The following LRRC27 variants were observed in gnomAD, a reference collection of about 807,000 sequenced individuals.
The protein encoded by LRRC27 is leucine rich repeat containing 27.
A neutral mutation model predicts 55.0 loss-of-function variants in LRRC27; 57 were observed. The ratio of observed to expected loss-of-function variants is 1.04; its 90% CI spans 0.84 to 1.29. The LOEUF is 1.29. Among genes scored for constraint, LRRC27 ranks in the 50% most tolerant of loss-of-function variants. LRRC27 has a pLI of 0.00. For synonymous variants in LRRC27, 278 were observed against 251.9 expected (o/e 1.10, Z -0.98); for missense variants, 721 against 651.5 (o/e 1.11, Z -1.16).
chr10:132,370,256 T>C (rs2069182970), intron 10 of LRRC27, among the ~76,000 whole-genome samples: 1 of 152,214 alleles, frequency 6.6e-6, no homozygotes, highest in Non-Finnish European at 1.5e-5. Flanking sequence ...GATGAAGGGT[T>C]CACGTCACCA....
At chr10:132,362,523 TGGTCCCTGGGTG>T (rs372394481) in intron 9 of LRRC27, among the ~76,000 whole-genome samples, 25 of 152,194 alleles carry the variant, frequency 1.6e-4, no homozygotes, top group African/African-American at 5.8e-4. Context: ...AGCTGGAGGC[TGGTCCCTGGGTG>T]GGTCCCTGGC....
upstream of LRRC27, chr10:132,331,974 C>A (rs1250375219): frequency 1.2e-5 from 6 of 492,852 alleles, no homozygotes; most frequent in South Asian, 3.2e-5. Context: ...ACCCCGCCCC[C>A]TCCCGGGCAG....
In LRRC27 at chr10:132,381,064, G is replaced by C. The variant is rs1184692148; in HGVS notation, c.*5822G>C. Among the ~76,000 whole-genome samples the C allele has an allele frequency of 6.6e-6, 1 of 152,248 alleles. No homozygotes were observed. Among genetic ancestry groups the C allele is most frequent in the African/African-American group, 2.4e-5 (1 of 41,462 alleles). ...ACTTGATTAGATTGAAGAATGTAAA[G>C]TATTGTTTCTGGGTGTTGCCAGAAG... On this transcript the variant is annotated 3_prime_UTR_variant, in exon 11 of 11. Transcript: ENST00000368614.
At chr10:132,330,978 G>A (rs1363587357), upstream of LRRC27, among the ~76,000 whole-genome samples, 1 of 150,994 alleles carries the variant, frequency 6.6e-6, no homozygotes. Flanking sequence ...CGAGGGGGGC[G>A]GATCATGAGG....
At chr10:132,341,673 C>G (rs1467539449) in intron 3 of LRRC27, among the ~76,000 whole-genome samples, 1 of 152,130 alleles carries the variant, frequency 6.6e-6, no homozygotes, top group Non-Finnish European at 1.5e-5. Context: ...CATTCATCTC[C>G]AAGCAGGGCA....
chr10:132,340,906 A>G (rs1413012448), intron 3 of LRRC27, among the ~76,000 whole-genome samples: 1 of 151,884 alleles, frequency 6.6e-6, no homozygotes, highest in Non-Finnish European at 1.5e-5. Context: ...AAATTCAAAT[A>G]ACAAGGAAAA....
At position 132,363,203 on chromosome 10, in the gene LRRC27, G is replaced by A. The variant is rs1176955102; in HGVS notation, c.1289+1628G>A. 5.4e-5 allele frequency among the ~76,000 whole-genome samples: 7 copies of A among 129,118 alleles called. 1 individual carries two copies. The highest frequency in any genetic ancestry group is 2.1e-4 in the East Asian group (1 of 4,692). The allele number at this position is 129,118 out of a possible 152,430, so 84.7% of individuals were successfully genotyped here. ...TCACCTCACAGCTGCTCGGGGGTCC[G>A]GGGTTCACCCCTCTTACCTCACAGC... On this transcript the variant is annotated intron_variant, in intron 9 of 10. Coordinates refer to ENST00000368614, the MANE Select transcript of LRRC27 (RefSeq NM_030626.3).
intron 10 of LRRC27, among the ~76,000 whole-genome samples, chr10:132,366,130 A>G (rs1331205722): frequency 2.0e-5 from 3 of 152,248 alleles, no homozygotes; most frequent in African/African-American, 7.2e-5. Flanking sequence ...GCCTGCTGAC[A>G]GGGACTGGGA....
In LRRC27 at chr10:132,348,003, G is replaced by C; in HGVS notation, c.573G>C (p.Glu191Asp). The change falls in exon 6 of 11, where the codon GAG becomes GAC. Residue 191 changes from glutamate (E) to aspartate (D), a missense_variant. By Grantham distance (45) the Glu-to-Asp change is conservative (BLOSUM62 2). Coordinates refer to ENST00000368614, the MANE Select transcript of LRRC27 (RefSeq NM_030626.3). This position sits in a 1 kb window ranked among gnomAD's most constrained non-coding sequence, Gnocchi z 4.2. ...TCCCAGAGGCTCCACCGGTTAGAGA[G>C]ATGACCCTCCGTGACCTCCCGAGCC... ...PTSQEAPPVR[E>D]MTLRDLPSPG... 1 of 1,609,890 alleles carries C rather than the reference G, an allele frequency of 6.2e-7. No homozygotes were observed. The highest frequency in any genetic ancestry group is 1.7e-5 in the Admixed American group (1 of 59,478).
At chr10:132,331,429 C>A (rs2066731321), upstream of LRRC27, 1 of 1,607,176 alleles carries the variant, frequency 6.2e-7, no homozygotes, top group African/African-American at 1.3e-5. Context: ...TTCCTCAGGA[C>A]ACTCACTGCG....
chr10:132,340,342 T>G (rs1291878286), intron 3 of LRRC27, among the ~76,000 whole-genome samples: 1 of 152,158 alleles, frequency 6.6e-6, no homozygotes, highest in Non-Finnish European at 1.5e-5. Flanking sequence ...AGGTTAATAG[T>G]CAGTAAACAT....
intron 2 of LRRC27, among the ~76,000 whole-genome samples, chr10:132,336,308 G>A (rs554929025): frequency 6.6e-6 from 1 of 152,214 alleles, no homozygotes; most frequent in African/African-American, 2.4e-5. Context: ...GCCTGTATGT[G>A]GGGGGTGCAC....
chr10:132,342,024 G>A (rs116913415), intron 3 of LRRC27, among the ~76,000 whole-genome samples, 189 bp from the exon 4 acceptor site: 80 of 152,320 alleles, frequency 5.3e-4, no homozygotes, highest in Non-Finnish European at 8.1e-4. Flanking sequence ...ATGTGTCAGC[G>A]GTGCAGGGCT....
upstream of LRRC27, among the ~76,000 whole-genome samples, chr10:132,330,127 G>A (rs1410466101): frequency 2.6e-5 from 4 of 152,166 alleles, no homozygotes; most frequent in African/African-American, 9.7e-5. Context: ...CTTGCCAAAA[G>A]GCTACCAATG....
Position 132,372,644 on chromosome 10 carries a change from A to G in LRRC27, c.1417-2422A>G, listed in dbSNP as rs1379559794. 2.0e-5 allele frequency among the ~76,000 whole-genome samples: 3 copies of G among 152,078 alleles called. No individual in the cohort carries two copies. Among genetic ancestry groups the G allele is most frequent in the Non-Finnish European group, 4.4e-5 (3 of 68,002 alleles). ...TCTGCTTCCCTACTCTGCCCAGCCCACTGACTCCTCCAGCCTACCCAGCAG... is the reference window on the plus strand; with the variant it reads ...TCTGCTTCCCTACTCTGCCCAGCCCGCTGACTCCTCCAGCCTACCCAGCAG... On this transcript the variant is annotated intron_variant, in intron 10 of 10. Transcript: ENST00000368614. This position sits in a 1 kb window ranked among gnomAD's most constrained non-coding sequence, Gnocchi z 4.0.
At chr10:132,330,549 C>T (rs879071196), upstream of LRRC27, 25 of 715,012 alleles carry the variant, frequency 3.5e-5, no homozygotes, top group Non-Finnish European at 6.0e-5. Context: ...TCGCTGTCAC[C>T]GAAGCTGACA....
At chr10:132,333,273 A>C (rs1198345799) in intron 1 of LRRC27, among the ~76,000 whole-genome samples, 2 of 151,702 alleles carry the variant, frequency 1.3e-5, no homozygotes, top group Non-Finnish European at 2.9e-5. Flanking sequence ...CCATTGTACA[A>C]AGTGAGAGCA....
At position 132,381,298 on chromosome 10, in the gene LRRC27, T is replaced by C. The variant is rs2069407507; in HGVS notation, c.*6056T>C. Among the ~76,000 whole-genome samples the C allele has an allele frequency of 6.6e-6, 1 of 152,142 alleles. No individual in the cohort carries two copies. Among genetic ancestry groups the C allele is most frequent in the African/African-American group, 2.4e-5 (1 of 41,408 alleles). On this transcript the variant is annotated 3_prime_UTR_variant, in exon 11 of 11. Transcript: ENST00000368614. ...TCCAAGTTCTTTAGCTTTTGGACTCTTGGACCTACACTGGTGTTTTGCCAG... is the reference window on the plus strand; with the variant it reads ...TCCAAGTTCTTTAGCTTTTGGACTCCTGGACCTACACTGGTGTTTTGCCAG...
rs1202753258 is a variant in LRRC27, at chr10:132,374,469, C to T, written c.1417-597C>T. ...CCCCCCGCAGTGCCCTCCTCAGCCT[C>T]ACTTTGTTCTGCCCAGGGGATTGGC... On this transcript the variant is annotated intron_variant, in intron 10 of 10. Coordinates refer to ENST00000368614, the MANE Select transcript of LRRC27 (RefSeq NM_030626.3). The surrounding 1 kb of genome is among the most constrained non-coding windows in gnomAD (Gnocchi z 4.4). 1.3e-5 allele frequency among the ~76,000 whole-genome samples: 2 copies of T among 152,186 alleles called. No individual in the cohort carries two copies. Among genetic ancestry groups the T allele is most frequent in the Non-Finnish European group, 2.9e-5 (2 of 68,024 alleles).
Sources: gnomAD v4.1 joint callset for allele counts (sites outside exome capture counted in the v4.1 genomes callset) on GRCh38, gnomAD v4.1.1 for gene constraint, Gnocchi (gnomAD v3.1) non-coding constraint, MANE v1.5 for transcripts, NCBI Gene and HGNC (gene_info 2026-07-23, HGNC 2026-07-21) for gene names.